The following RARS1 variants were observed in gnomAD, a reference collection of about 807,000 sequenced individuals.
RARS1 encodes the protein arginyl-tRNA synthetase 1.
RARS1 carries 75 observed loss-of-function variants against 78.7 expected under a neutral mutation model. The ratio of observed to expected loss-of-function variants is 0.95; its 90% CI spans 0.79 to 1.15. RARS1 has a LOEUF of 1.15. Among genes scored for constraint, RARS1 ranks in the 50% most tolerant of loss-of-function variants. The probability of loss-of-function intolerance (pLI) is 0.00; values close to 1 mark genes in which losing one functional copy is unlikely to be tolerated. For synonymous variants in RARS1, 273 were observed against 268.2 expected, an observed-to-expected ratio of 1.02 and a Z score of -0.18; for missense variants, 787 against 787.5, an observed-to-expected ratio of 1.00 and a Z score of 0.01.
At chr5:168,515,154 C>A (rs1475625828) in intron 12 of RARS1, among the ~76,000 whole-genome samples, 2 of 152,022 alleles carry the variant, frequency 1.3e-5, no homozygotes, top group Admixed American at 6.5e-5. Flanking sequence ...TTAGTATTTT[C>A]CCCCTTTGTC....
chr5:168,497,210 T>C lies in RARS1; in HGVS notation c.702-18T>C. 1 of 1,438,692 alleles carries C rather than the reference T, an allele frequency of 7.0e-7. No homozygotes were observed. The highest frequency in any genetic ancestry group is 9.2e-7 in the Non-Finnish European group (1 of 1,087,678). 89.1% of individuals were successfully genotyped at this position (1,438,692 alleles called of 1,614,324 possible). ...TTATTATTTAAAAAATGATTATATA[T>C]TCTCTGATTGGTGTTAGGTTAAATC... On this transcript the variant is annotated intron_variant, in intron 6 of 14. Coordinates refer to ENST00000231572, the MANE Select transcript of RARS1 (RefSeq NM_002887.4).
intron 12 of RARS1, among the ~76,000 whole-genome samples, chr5:168,511,234 G>C (rs1293045098): frequency 6.6e-6 from 1 of 150,684 alleles, no homozygotes; most frequent in Non-Finnish European, 1.5e-5. Context: ...CAGTAGAGGA[G>C]AGGTCATGCA....
In RARS1 at chr5:168,506,005, GT is replaced by G; in HGVS notation, c.1058-10del. ...GTTCTTTTAACTTTATTAATGAAGT[GT>G]TTTTTACCCCCTAGGATTTGTGCAG... On this transcript the variant is annotated splice_polypyrimidine_tract_variant and intron_variant, in intron 9 of 14. Coordinates refer to ENST00000231572, the MANE Select transcript of RARS1 (RefSeq NM_002887.4). 1 of 1,582,434 alleles carries G rather than the reference GT, an allele frequency of 6.3e-7. No homozygotes were observed. The highest frequency in any genetic ancestry group is 1.9e-5 in the Admixed American group (1 of 53,572).
At chr5:168,487,406 C>T (rs1463714827) in intron 1 of RARS1, among the ~76,000 whole-genome samples, 2 of 152,072 alleles carry the variant, frequency 1.3e-5, no homozygotes, top group African/African-American at 4.8e-5. Context: ...GTTCCATTAC[C>T]TTTTATGCCC....
intron 3 of RARS1, among the ~76,000 whole-genome samples, chr5:168,493,474 AG>A (rs764918015): frequency 6.6e-6 from 1 of 152,016 alleles, no homozygotes; most frequent in Admixed American, 6.6e-5. Flanking sequence ...TCATAACTGT[AG>A]ACTTTGTTAT....
At chr5:168,505,918 A>T in intron 9 of RARS1, 103 bp from the exon 10 acceptor site, 1 of 1,005,038 alleles carries the variant, frequency 9.9e-7, no homozygotes, top group Non-Finnish European at 1.5e-6. Flanking sequence ...ATATTTCAAA[A>T]TATTCTTAGA....
At position 168,502,061 on chromosome 5, in the gene RARS1, A is replaced by G. The variant is rs891846526; in HGVS notation, c.1013A>G (p.Tyr338Cys). 6.9e-6 allele frequency: 11 copies of G among 1,605,436 alleles called. No homozygotes were observed. The highest frequency in any genetic ancestry group is 3.4e-5 in the Admixed American group (2 of 58,946). ...TTAATAGAGAGAGGGGAATCCTTCTATCAAGATAGGATGAATGATATTGTA... is the reference window on the plus strand; with the variant it reads ...TTAATAGAGAGAGGGGAATCCTTCTGTCAAGATAGGATGAATGATATTGTA... The part of the protein sequence containing the change: ...VSLIERGESF[Y>C]QDRMNDIVKE... Residue 338 changes from tyrosine to cysteine, a missense_variant, in exon 9 of 15, where the codon TAT becomes TGT. Tyr to Cys is a radical substitution (Grantham distance 194). Transcript: ENST00000231572.
chr5:168,495,489 A>G, intron 6 of RARS1, 53 bp downstream of exon 6: 1 of 1,577,562 alleles, frequency 6.3e-7, no homozygotes, highest in South Asian at 1.2e-5. Flanking sequence ...CTTGTTTGGA[A>G]AATTCTATAG....
Position 168,506,796 on chromosome 5 carries a change from C to T in RARS1, c.1311C>T (p.Phe437=). 1 of 1,613,530 alleles carries T rather than the reference C, an allele frequency of 6.2e-7. No homozygotes were observed. The change falls in exon 11 of 15, where the codon TTC becomes TTT. Residue 437 remains phenylalanine, a synonymous_variant. Coordinates refer to ENST00000231572, the MANE Select transcript of RARS1 (RefSeq NM_002887.4). The part of the protein sequence containing the change: ...GWYDPKVTRV[F]HAGFGVVLGE... ...ATGACCCTAAAGTAACTCGAGTCTT[C>T]CATGCTGGATTTGGTGTGGTGCTAG...
intron 12 of RARS1, among the ~76,000 whole-genome samples, chr5:168,516,288 G>A (rs1467683520): frequency 1.3e-5 from 2 of 152,056 alleles, no homozygotes; most frequent in African/African-American, 4.8e-5. Flanking sequence ...CTTACTTGTG[G>A]CCTAATAATG....
intron 14 of RARS1, among the ~76,000 whole-genome samples, chr5:168,518,291 C>A (rs909119262): frequency 5.9e-5 from 9 of 151,508 alleles, no homozygotes; most frequent in African/African-American, 2.2e-4. Flanking sequence ...GATGGGGTGC[C>A]ATTAAAGCAT....
chr5:168,496,292 T>C (rs1468842940), intron 6 of RARS1, among the ~76,000 whole-genome samples: 2 of 150,494 alleles, frequency 1.3e-5, no homozygotes, highest in Non-Finnish European at 3.0e-5. Context: ...GGCAGGAGAA[T>C]TGCTTGAACC....
chr5:168,510,485 C>T (rs755907228), intron 11 of RARS1, 96 bp from the exon 12 acceptor site: 9 of 825,674 alleles, frequency 1.1e-5, no homozygotes, highest in Non-Finnish European at 1.8e-5. Flanking sequence ...ACATATGTTG[C>T]AGTTTTGTGG....
chr5:168,497,334 C>G lies in RARS1; in HGVS notation c.808C>G (p.Gln270Glu). 1 of 1,579,544 alleles carries G rather than the reference C, an allele frequency of 6.3e-7. No individual in the cohort carries two copies. ...LTVSPPIGDL[Q>E]VFYKESKKRF... ...AGTTTCACCTCCTATTGGGGATCTT[C>G]AGGTCTTTTATAAGGTTTGATACCA... is the stretch of plus-strand genomic sequence containing the variant. The change falls in exon 7 of 15, where the codon CAG (glutamine) becomes GAG (glutamate). Residue 270 changes from glutamine to glutamate, a missense_variant. Gln to Glu is a conservative substitution (Grantham distance 29). Coordinates refer to ENST00000231572, the MANE Select transcript of RARS1 (RefSeq NM_002887.4).
chr5:168,488,556 G>A (rs749353422), intron 1 of RARS1, 46 bp from the exon 2 acceptor site: 1 of 1,564,916 alleles, frequency 6.4e-7, no homozygotes, highest in Non-Finnish European at 8.6e-7. Flanking sequence ...GAGGGGAAAT[G>A]TGGAAGTAAG....
intron 12 of RARS1, among the ~76,000 whole-genome samples, chr5:168,512,520 G>A (rs190674640): frequency 6.6e-5 from 10 of 152,266 alleles, no homozygotes; most frequent in Non-Finnish European, 1.3e-4. Context: ...GAACTAATAG[G>A]ATAGATACAT....
At chr5:168,498,546 G>A (rs2432644) in intron 7 of RARS1, among the ~76,000 whole-genome samples, 24,051 of 152,018 alleles carry the variant, frequency 0.16, 2,002 homozygotes, top group Non-Finnish European at 0.18. Flanking sequence ...GTTACTTTAT[G>A]ACTGCACATT....
In RARS1 at chr5:168,488,191, G is replaced by A. The variant is rs1458102928; in HGVS notation, c.46-411G>A. On this transcript the variant is annotated intron_variant, in intron 1 of 14. Coordinates refer to ENST00000231572, the MANE Select transcript of RARS1 (RefSeq NM_002887.4). ...CAAGCAGACTGGAGTGCAGTGGCAC[G>A]ATCTCGACTCACCGCAACCTCAGCC... 5 of 384,390 alleles carry A rather than the reference G, an allele frequency of 1.3e-5. No individual in the cohort carries two copies. The East Asian group carries it at 2.6e-4, about 20-fold the overall frequency. The allele number at this position is 384,390 out of a possible 1,614,324, so 23.8% of individuals were successfully genotyped here. A position where few individuals can be genotyped will look rare whatever the true frequency, so the allele number is the denominator to read the frequency against.
chr5:168,508,619 C>CAAAAAAAAA (rs34579916), intron 11 of RARS1, among the ~76,000 whole-genome samples: 2 of 61,256 alleles, frequency 3.3e-5, no homozygotes, highest in Non-Finnish European at 6.4e-5. Flanking sequence ...GACTCTGTCT[C>CAAAAAAAAA]AAAAAAAAAA....
Sources: gnomAD v4.1 joint callset for allele counts (sites outside exome capture counted in the v4.1 genomes callset) on GRCh38, gnomAD v4.1.1 for gene constraint, MANE v1.5 for transcripts, NCBI Gene and HGNC (gene_info 2026-07-23, HGNC 2026-07-21) for gene names.